Variants in PDS5A observed in about 807,000 individuals in gnomAD.
The protein encoded by PDS5A is sister chromatid cohesion protein PDS5 homolog A.
In PDS5A, 42 loss-of-function variants were observed where a neutral mutation model predicts 167.1. The observed-to-expected ratio is 0.25, with a 90% CI of 0.20 to 0.33. The LOEUF (loss-of-function observed/expected upper bound fraction) is 0.33. Among genes scored for constraint, PDS5A ranks in the 10% least tolerant of loss-of-function variants. The pLI is 1.00. For missense variants in PDS5A, 1,033 were observed against 1,605.9 expected (o/e 0.64, Z 6.10); for synonymous variants, 553 against 554.6 (o/e 1.00, Z 0.04).
At chr4:39,910,443 T>C in intron 9 of PDS5A, 105 bp from the exon 10 acceptor site, 1 of 623,658 alleles carries the variant, frequency 1.6e-6, no homozygotes, top group East Asian at 2.8e-5. Context: ...TAGTTACTGA[T>C]TAGAAAATTT....
intron 16 of PDS5A, among the ~76,000 whole-genome samples, chr4:39,896,388 A>G (rs1722415766): frequency 6.9e-6 from 1 of 144,882 alleles, no homozygotes; most frequent in East Asian, 2.0e-4. Context: ...TTGTAGTAAC[A>G]CTTAGCTTAA....
chr4:39,856,684 C>T (rs566659258), intron 26 of PDS5A, among the ~76,000 whole-genome samples: 15 of 152,022 alleles, frequency 9.9e-5, no homozygotes, highest in African/African-American at 2.9e-4. Flanking sequence ...GGCGTGGTGG[C>T]GGGCACCTGT....
In PDS5A at chr4:39,863,463, T is replaced by C; in HGVS notation, c.2643-4A>G. ...CAAGCGAGACATATCAGATTTACTA[T>C]AAACAAACAAAAAAGAAATAAACAT... is the stretch of plus-strand genomic sequence containing the variant. On this transcript the variant is annotated splice_region_variant and splice_polypyrimidine_tract_variant and intron_variant, in intron 23 of 32. Coordinates refer to ENST00000303538, the MANE Select transcript of PDS5A (RefSeq NM_001100399.2). 5 of 1,579,226 alleles carry C rather than the reference T, an allele frequency of 3.2e-6. No homozygotes were observed. The highest frequency in any genetic ancestry group is 1.2e-5 in the South Asian group (1 of 85,756).
At chr4:39,974,264 C>G in intron 2 of PDS5A, 1 of 548,736 alleles carries the variant, frequency 1.8e-6, no homozygotes, top group Non-Finnish European at 3.7e-6. Flanking sequence ...TCCTATACCA[C>G]CACTTAATAC....
intron 2 of PDS5A, among the ~76,000 whole-genome samples, chr4:39,954,924 C>G (rs1728787191): frequency 6.6e-6 from 1 of 151,954 alleles, no homozygotes; most frequent in Non-Finnish European, 1.5e-5. Context: ...CCTGTAGTCT[C>G]TACTACTTGG....
intron 2 of PDS5A, among the ~76,000 whole-genome samples, chr4:39,940,539 C>T (rs1426171909): frequency 6.6e-6 from 1 of 152,144 alleles, no homozygotes; most frequent in African/African-American, 2.4e-5. Flanking sequence ...CTCTTTAAAG[C>T]AGTTAATCTA....
intron 11 of PDS5A, among the ~76,000 whole-genome samples, chr4:39,907,867 T>C (rs1373227102): frequency 6.6e-6 from 1 of 152,198 alleles, no homozygotes; most frequent in African/African-American, 2.4e-5. Flanking sequence ...ATTACAGGCG[T>C]GAGCCACCGC....
intron 31 of PDS5A, among the ~76,000 whole-genome samples, chr4:39,840,903 C>T (rs1280512353): frequency 5.3e-5 from 8 of 150,956 alleles, no homozygotes; most frequent in East Asian, 2.0e-4. Context: ...TACAGGTGTG[C>T]GCCACCATGC....
At chr4:39,927,481 T>C (rs1252084321) in intron 3 of PDS5A, among the ~76,000 whole-genome samples, 1 of 152,168 alleles carries the variant, frequency 6.6e-6, no homozygotes, top group Non-Finnish European at 1.5e-5. Context: ...AATGAAATTA[T>C]TCAAAATACA....
At chr4:39,905,338 AC>A (rs1723238407) in intron 11 of PDS5A, among the ~76,000 whole-genome samples, 1 of 152,094 alleles carries the variant, frequency 6.6e-6, no homozygotes, top group African/African-American at 2.4e-5. Flanking sequence ...CAGGTGGATC[AC>A]CTGAGGTCAG....
Position 39,943,620 on chromosome 4 carries a change from C to CAA in PDS5A, c.139-15458_139-15457dup, listed in dbSNP as rs67431661. ...CCAACATGGTGAAACCCCGTTTCTA[C>CAA]AAAAAAAAAAAAAAAAAAAATACAA... On this transcript the variant is annotated intron_variant, in intron 2 of 32. Transcript: ENST00000303538. Among the ~76,000 whole-genome samples, 11 of 109,778 alleles carry CAA rather than the reference C, an allele frequency of 1.0e-4. No homozygotes were observed. The East Asian group carries it at 1.3e-3, about 13-fold the overall frequency. The allele number at this position is 109,778 out of a possible 152,430, so 72.0% of individuals were successfully genotyped here.
At chr4:39,891,673 C>CAT (rs142176937) in intron 16 of PDS5A, among the ~76,000 whole-genome samples, 56 of 150,448 alleles carry the variant, frequency 3.7e-4, no homozygotes, top group Admixed American at 1.0e-3. Flanking sequence ...CATATTCGTA[C>CAT]ATATATATAT....
At position 39,828,685 on chromosome 4, in the gene PDS5A, T is replaced by C. The variant is rs1578557205; in HGVS notation, c.4011-3197A>G. 2.6e-5 allele frequency among the ~76,000 whole-genome samples: 4 copies of C among 152,188 alleles called. No homozygotes were observed. In the South Asian group the frequency reaches 8.3e-4, roughly 32 times the overall value. ...AAATATGATAGTAAATACCAAGTAA[T>C]ACAACTGCACAAGCTTTCTGGAGGT... On this transcript the variant is annotated intron_variant, in intron 32 of 32. Transcript: ENST00000303538.
chr4:39,856,397 C>T (rs1718527269), intron 26 of PDS5A, among the ~76,000 whole-genome samples: 1 of 152,202 alleles, frequency 6.6e-6, no homozygotes, highest in Admixed American at 6.5e-5. Flanking sequence ...TGAAAGAACA[C>T]TACATAGTAA....
At chr4:39,942,599 G>A (rs544487641) in intron 2 of PDS5A, among the ~76,000 whole-genome samples, 24 of 151,996 alleles carry the variant, frequency 1.6e-4, no homozygotes, top group African/African-American at 5.1e-4. Context: ...CCTAATTTTC[G>A]TATCTTTTGT....
chr4:39,842,909 TTATA>T lies in PDS5A; in HGVS notation c.3549-857_3549-854del, dbSNP rs71194933. 7.5e-3 allele frequency among the ~76,000 whole-genome samples: 689 copies of T among 92,314 alleles called. 53 individuals are homozygous for T. The highest frequency in any genetic ancestry group is 0.035 in the African/African-American group (646 of 18,210). 60.6% of individuals were successfully genotyped at this position (92,314 alleles called of 152,430 possible). A position where few individuals can be genotyped will look rare whatever the true frequency, so the allele number is the denominator to read the frequency against. ...AGAACAATGTAAACTTATCCTATTT[TTATA>T]TATATATATATATATATATATATAT... is the stretch of plus-strand genomic sequence containing the variant. On this transcript the variant is annotated intron_variant, in intron 30 of 32. Transcript: ENST00000303538.
At chr4:39,961,551 G>T (rs533316633) in intron 2 of PDS5A, among the ~76,000 whole-genome samples, 1 of 152,256 alleles carries the variant, frequency 6.6e-6, no homozygotes, top group South Asian at 2.1e-4. Flanking sequence ...ATGAGCCACC[G>T]TGCCTGGCCA....
At chr4:39,887,147 T>G (rs1234451858) in intron 17 of PDS5A, among the ~76,000 whole-genome samples, 2 of 152,176 alleles carry the variant, frequency 1.3e-5, no homozygotes, top group Non-Finnish European at 2.9e-5. Flanking sequence ...TTCCAGTAAT[T>G]TGTTGAATAA....
intron 2 of PDS5A, among the ~76,000 whole-genome samples, chr4:39,947,583 C>T (rs1184828547): frequency 6.6e-6 from 1 of 152,156 alleles, no homozygotes; most frequent in African/African-American, 2.4e-5. Context: ...ACATAAAGTA[C>T]ACTAACACTA....
Sources: gnomAD v4.1 joint callset for allele counts (sites outside exome capture counted in the v4.1 genomes callset) on GRCh38, gnomAD v4.1.1 for gene constraint, MANE v1.5 for transcripts, NCBI Gene and HGNC (gene_info 2026-07-23, HGNC 2026-07-21) for gene names.